The following OSBPL10 variants were observed in gnomAD, a reference collection of about 807,000 sequenced individuals.
The protein encoded by OSBPL10 is oxysterol-binding protein-related protein 10.
In OSBPL10, 49 loss-of-function variants were observed where a neutral mutation model predicts 81.7. The ratio of observed to expected loss-of-function variants is 0.60; its 90% confidence interval spans 0.48 to 0.76. The LOEUF is 0.76. Ranked by LOEUF, OSBPL10 falls within the 30% of genes least tolerant of loss-of-function variation. The pLI, the probability that OSBPL10 is intolerant of heterozygous loss-of-function variation, is 0.00. For missense variants in OSBPL10, 923 were observed against 987.8 expected, an observed-to-expected ratio of 0.93 and a Z score of 0.88; for synonymous variants, 419 against 383.6, an observed-to-expected ratio of 1.09 and a Z score of -1.08.
chr3:31,901,331 G>C (rs1306795934), intron 1 of OSBPL10, among the ~76,000 whole-genome samples: 1 of 152,156 alleles, frequency 6.6e-6, no homozygotes, highest in Non-Finnish European at 1.5e-5. Context: ...GTGCCTACAG[G>C]TCTTACATGA....
intron 1 of OSBPL10, among the ~76,000 whole-genome samples, chr3:32,046,760 A>T (rs1323997314): frequency 6.6e-6 from 1 of 152,232 alleles, no homozygotes; most frequent in African/African-American, 2.4e-5. Flanking sequence ...ACATGATTTC[A>T]TGTACTTCTC....
chr3:31,915,791 A>G (rs180752925), intron 1 of OSBPL10, among the ~76,000 whole-genome samples: 65 of 152,150 alleles, frequency 4.3e-4, no homozygotes, highest in African/African-American at 1.5e-3. Context: ...CAACCACGCA[A>G]CACCCTTTAA....
chr3:31,966,651 A>G (rs1698411747), intron 1 of OSBPL10, among the ~76,000 whole-genome samples: 1 of 152,120 alleles, frequency 6.6e-6, no homozygotes, highest in African/African-American at 2.4e-5. Context: ...AAGCAACTCT[A>G]CATACCTAAA....
At chr3:31,953,500 T>G (rs1349059561) in intron 1 of OSBPL10, among the ~76,000 whole-genome samples, 1 of 151,988 alleles carries the variant, frequency 6.6e-6, no homozygotes, top group African/African-American at 2.4e-5. Flanking sequence ...CTCAGCCTCC[T>G]GGGCTCAAGC....
In OSBPL10 at chr3:32,061,918, C is replaced by T. The variant is rs1382143294; in HGVS notation, n.186-15315G>A. On this transcript the variant is annotated intron_variant and non_coding_transcript_variant, in intron 1 of 3. Coordinates refer to the OSBPL10 transcript ENST00000479173. Reference sequence around the variant, plus strand: ...TCTCCCAAAATGCTGGGATCACAGACATGAGCCACTATGTCAAGCTATATT... The same window carrying T: ...TCTCCCAAAATGCTGGGATCACAGATATGAGCCACTATGTCAAGCTATATT... Among the ~76,000 whole-genome samples, 13 of 90,982 alleles carry T rather than the reference C, an allele frequency of 1.4e-4. 3 individuals are homozygous for T. The highest frequency in any genetic ancestry group is 3.6e-4 in the African/African-American group (13 of 35,778). The allele number at this position is 90,982 out of a possible 152,430, so 59.7% of individuals were successfully genotyped here. A position where few individuals can be genotyped will look rare whatever the true frequency, so the allele number is the denominator to read the frequency against.
chr3:31,949,386 C>T lies in OSBPL10; in HGVS notation c.281+31513G>A, dbSNP rs118108640. Among the ~76,000 whole-genome samples the T allele has an allele frequency of 4.7e-4, 71 of 152,070 alleles. 1 individual carries two copies. The East Asian group carries it at 0.012, about 25-fold the overall frequency. ...AGAAATATAAAAGGATACTGGGTTC[C>T]GGCTGGGCACGGTGGCTCACGCCTG... On this transcript the variant is annotated intron_variant, in intron 1 of 11. Coordinates refer to ENST00000396556, the MANE Select transcript of OSBPL10 (RefSeq NM_017784.5).
intron 6 of OSBPL10, among the ~76,000 whole-genome samples, chr3:31,705,716 C>T (rs1217647082): frequency 6.6e-6 from 1 of 152,182 alleles, no homozygotes; most frequent in Non-Finnish European, 1.5e-5. Flanking sequence ...TCCACACTCC[C>T]CTTCTCTCAC....
At chr3:31,903,695 A>G (rs1254103432) in intron 1 of OSBPL10, among the ~76,000 whole-genome samples, 2 of 152,134 alleles carry the variant, frequency 1.3e-5, no homozygotes. Flanking sequence ...CAAACAGCCA[A>G]TCAGCAGCAG....
At chr3:32,045,853 T>G (rs1208159434) in intron 2 of OSBPL10, 2 of 152,226 alleles carry the variant, frequency 1.3e-5, no homozygotes, top group Non-Finnish European at 2.9e-5. Flanking sequence ...TTACTCAATG[T>G]TTTTAAAGAA....
At chr3:31,968,512 A>G (rs554092845) in intron 1 of OSBPL10, among the ~76,000 whole-genome samples, 48 of 54,380 alleles carry the variant, frequency 8.8e-4, no homozygotes, top group African/African-American at 2.6e-3. Flanking sequence ...TTTGAAGGGG[A>G]AAAAAAAAAA....
At chr3:32,049,897 T>TG (rs1193778915) in intron 1 of OSBPL10, among the ~76,000 whole-genome samples, 1 of 152,174 alleles carries the variant, frequency 6.6e-6, no homozygotes, top group African/African-American at 2.4e-5. Flanking sequence ...CTCCTTGCCT[T>TG]CCCCACCTCG....
chr3:32,052,353 G>A (rs375728035), intron 1 of OSBPL10, among the ~76,000 whole-genome samples: 1 of 152,004 alleles, frequency 6.6e-6, no homozygotes, highest in East Asian at 1.9e-4. Flanking sequence ...CTGCTTCTTT[G>A]ACTTTTGAAA....
chr3:32,069,956 C>G (rs1699813879), intron 1 of OSBPL10, among the ~76,000 whole-genome samples: 1 of 152,304 alleles, frequency 6.6e-6, no homozygotes, highest in South Asian at 2.1e-4. Context: ...TGTGTGGGTC[C>G]CCACTGGAGG....
chr3:32,049,946 T>C (rs1699657060), intron 1 of OSBPL10, among the ~76,000 whole-genome samples: 1 of 152,142 alleles, frequency 6.6e-6, no homozygotes, highest in Non-Finnish European at 1.5e-5. Flanking sequence ...TTCCTCTCTT[T>C]CTATGAAAAC....
At chr3:32,047,594 T>G (rs969847248) in intron 1 of OSBPL10, among the ~76,000 whole-genome samples, 8 of 152,088 alleles carry the variant, frequency 5.3e-5, no homozygotes, top group Non-Finnish European at 1.0e-4. Flanking sequence ...GGACAGCCAG[T>G]GGTCACTTTT....
chr3:31,807,673 G>A (rs1278075214), intron 4 of OSBPL10, among the ~76,000 whole-genome samples: 1 of 152,102 alleles, frequency 6.6e-6, no homozygotes, highest in South Asian at 2.1e-4. Flanking sequence ...AGAAGTTCGA[G>A]GCTGCAGTGA....
At chr3:31,796,390 C>A (rs901728831) in intron 4 of OSBPL10, among the ~76,000 whole-genome samples, 4 of 151,990 alleles carry the variant, frequency 2.6e-5, no homozygotes, top group African/African-American at 9.7e-5. Flanking sequence ...AAAAGGTAAT[C>A]TAGAGATGAT....
At chr3:31,677,280 G>A (rs1216656834) in intron 8 of OSBPL10, among the ~76,000 whole-genome samples, 1 of 152,166 alleles carries the variant, frequency 6.6e-6, no homozygotes, top group Non-Finnish European at 1.5e-5. Flanking sequence ...TAGTTTGTGT[G>A]AAAAATCAGA....
In OSBPL10 at chr3:32,017,310, G is replaced by A. The variant is rs139486650; in HGVS notation, n.298+29181C>T. On this transcript the variant is annotated intron_variant and non_coding_transcript_variant, in intron 2 of 3. Transcript: ENST00000479173. ...GCTAAAAACACCAGCTGTTTGATCC[G>A]AAGACCATCTTCTTAGCTATACTGG... Among the ~76,000 whole-genome samples, 6 of 152,232 alleles carry A rather than the reference G, an allele frequency of 3.9e-5. No homozygotes were observed. In the East Asian group the frequency reaches 5.8e-4, roughly 15 times the overall value.
Sources: allele counts gnomAD v4.1 joint callset (sites outside exome capture counted in the v4.1 genomes callset), GRCh38; gene constraint gnomAD v4.1.1; transcripts MANE v1.5; gene names NCBI Gene and HGNC (gene_info 2026-07-23, HGNC 2026-07-21).